The following DPF3 variants were observed in gnomAD, a reference collection of about 807,000 sequenced individuals.
DPF3 encodes the protein zinc finger protein DPF3.
DPF3 carries 18 observed loss-of-function variants against 56.8 expected under a neutral mutation model. The observed-to-expected ratio is 0.32, with a 90% confidence interval of 0.22 to 0.47. The LOEUF is 0.47. Among genes scored for constraint, DPF3 ranks in the 20% least tolerant of loss-of-function variants. The pLI is 1.00. For missense variants in DPF3, 403 were observed against 488.8 expected, an observed-to-expected ratio of 0.82 and a Z score of 1.65; for synonymous variants, 188 against 180.2, an observed-to-expected ratio of 1.04 and a Z score of -0.35.
At chr14:72,693,246 A>G (rs199983516) in intron 6 of DPF3, 33 bp from the exon 7 acceptor site, 15 of 1,610,632 alleles carry the variant, frequency 9.3e-6, no homozygotes, top group Middle Eastern at 1.7e-4. Flanking sequence ...AGGGAGAGAT[A>G]CAAATATTAG....
chr14:72,745,895 G>A (rs1890304606), intron 3 of DPF3, among the ~76,000 whole-genome samples: 1 of 152,176 alleles, frequency 6.6e-6, no homozygotes, highest in Admixed American at 6.5e-5. Context: ...ACCCTCCTGA[G>A]GGAGGACATA....
intron 1 of DPF3, among the ~76,000 whole-genome samples, chr14:72,792,251 G>A (rs2139984761): frequency 6.6e-6 from 1 of 152,270 alleles, no homozygotes; most frequent in South Asian, 2.1e-4. Context: ...GAAGGGGAGG[G>A]GAGGGACAGG....
At chr14:72,852,989 T>C (rs77126386) in intron 1 of DPF3, among the ~76,000 whole-genome samples, 3 of 150,568 alleles carry the variant, frequency 2.0e-5, no homozygotes, top group African/African-American at 7.3e-5. Context: ...CTACAGCTGA[T>C]TTTTTTTTAA....
rs961025329 is a variant in DPF3 at position 72,892,549 on chromosome 14, C to T, written c.32+1508G>A. The T allele has an allele frequency of 1.7e-5, 23 of 1,382,230 alleles. No individual in the cohort carries two copies. The African/African-American group carries it at 3.4e-4, about 20-fold the overall frequency. The allele number at this position is 1,382,230 out of a possible 1,614,324, so 85.6% of individuals were successfully genotyped here. A position where few individuals can be genotyped will look rare whatever the true frequency, so the allele number is the denominator to read the frequency against. On this transcript the variant is annotated intron_variant, in intron 1 of 10. Transcript: ENST00000556509. Reference sequence around the variant, plus strand: ...GGCGACGAGCTGGCGCAAACACGTCCGATTCTCCCTGTGCATTCCTTTGCG... The same window carrying T: ...GGCGACGAGCTGGCGCAAACACGTCTGATTCTCCCTGTGCATTCCTTTGCG...
intron 8 of DPF3, among the ~76,000 whole-genome samples, chr14:72,667,276 A>G (rs926701584): frequency 3.9e-5 from 6 of 152,232 alleles, no homozygotes; most frequent in South Asian, 2.1e-4. Context: ...TCTCTCAGTA[A>G]CAGAAATAAA....
intron 1 of DPF3, among the ~76,000 whole-genome samples, chr14:72,890,907 G>C (rs1886725948): frequency 6.6e-6 from 1 of 152,172 alleles, no homozygotes; most frequent in Non-Finnish European, 1.5e-5. Context: ...ACAACAGAGA[G>C]AGAAGCTGGG....
At chr14:72,747,625 C>CAA (rs1030427221) in intron 3 of DPF3, among the ~76,000 whole-genome samples, 788 of 77,582 alleles carry the variant, frequency 0.01, 12 homozygotes, top group African/African-American at 0.029. Flanking sequence ...CCCGTCTCTA[C>CAA]AAAAAAAAAA....
At chr14:72,867,992 C>T (rs1055190664) in intron 1 of DPF3, among the ~76,000 whole-genome samples, 1 of 152,106 alleles carries the variant, frequency 6.6e-6, no homozygotes, top group African/African-American at 2.4e-5. Flanking sequence ...GTGGCTGCCT[C>T]GGCCTCCCAA....
At chr14:72,813,694 C>G (rs1236517517) in intron 1 of DPF3, among the ~76,000 whole-genome samples, 1 of 152,244 alleles carries the variant, frequency 6.6e-6, no homozygotes. Context: ...TCACTAGCGG[C>G]TGACCCCAGG....
Position 72,664,655 on chromosome 14 carries a change from T to C in DPF3, c.871+9585A>G, listed in dbSNP as rs146057958. On this transcript the variant is annotated intron_variant, in intron 8 of 10. Transcript: ENST00000556509. ...CACCTGCCCCCTCTGACTTAACCACTGGATGCTGTGTCCAGAGACTTCTCC... is the reference window on the plus strand; with the variant it reads ...CACCTGCCCCCTCTGACTTAACCACCGGATGCTGTGTCCAGAGACTTCTCC... Among the ~76,000 whole-genome samples the C allele has an allele frequency of 4.9e-3, 740 of 150,090 alleles. 6 individuals are homozygous for C. Among genetic ancestry groups the C allele is most frequent in the Non-Finnish European group, 9.0e-3 (611 of 67,690 alleles).
chr14:72,790,268 A>G (rs181565512), intron 1 of DPF3, among the ~76,000 whole-genome samples: 19 of 152,290 alleles, frequency 1.2e-4, no homozygotes, highest in Admixed American at 2.6e-4. Flanking sequence ...GTATATGTTT[A>G]TTTACTACCT....
intron 1 of DPF3, among the ~76,000 whole-genome samples, chr14:72,861,024 TATACACACACACAC>T (rs1885377649): frequency 1.7e-5 from 2 of 116,142 alleles, no homozygotes; most frequent in Admixed American, 9.7e-5. Flanking sequence ...CTGTTCTCAC[TATACACACACACAC>T]ACACACACAC....
chr14:72,723,711 A>T lies in DPF3; in HGVS notation c.447T>A (p.Asp149Glu). The change falls in exon 5 of 11, where the codon GAT becomes GAA. Residue 149 changes from aspartate (D) to glutamate (E), a missense_variant. This residue lies in a region of DPF3 where 340 missense variants were observed against 374.3 expected (regional missense o/e 0.91). Transcript: ENST00000556509. ...IQEIQRVLEN[D>E]ENVEEGNEEE... is the part of the protein sequence containing the mutation. ...CTTCATTCCCTTCTTCTACATTTTC[A>T]TCATTTTCCAAAACCCTCTGAAATG... is the stretch of plus-strand genomic sequence containing the variant. 1 of 1,578,978 alleles carries T rather than the reference A, an allele frequency of 6.3e-7. No homozygotes were observed. The highest frequency in any genetic ancestry group is 8.6e-7 in the Non-Finnish European group (1 of 1,169,448).
Position 72,609,854 on chromosome 14 carries a change from G to T in DPF3, c.*9443C>A, listed in dbSNP as rs1427283757. Among the ~76,000 whole-genome samples the T allele has an allele frequency of 1.3e-5, 2 of 152,200 alleles. No homozygotes were observed. Among genetic ancestry groups the T allele is most frequent in the African/African-American group, 4.8e-5 (2 of 41,448 alleles). On this transcript the variant is annotated 3_prime_UTR_variant, in exon 11 of 11. Coordinates refer to ENST00000556509, the MANE Select transcript of DPF3 (RefSeq NM_001280542.3). Reference sequence around the variant, plus strand: ...AGCCCTTTTCTGTAACCTCATGAAAGCTGTGTCAGACTCAGTCCTGGTCTG... The same window carrying T: ...AGCCCTTTTCTGTAACCTCATGAAATCTGTGTCAGACTCAGTCCTGGTCTG...
intron 2 of DPF3, among the ~76,000 whole-genome samples, chr14:72,756,068 G>A (rs891660666): frequency 6.6e-6 from 1 of 152,132 alleles, no homozygotes; most frequent in Non-Finnish European, 1.5e-5. Flanking sequence ...CTGCTGTCAG[G>A]GAAATTAACC....
At chr14:72,793,025 A>G (rs1358275290) in intron 1 of DPF3, among the ~76,000 whole-genome samples, 2 of 152,232 alleles carry the variant, frequency 1.3e-5, no homozygotes, top group Non-Finnish European at 2.9e-5. Flanking sequence ...AATCAAAATC[A>G]TTCTCCGTCC....
intron 1 of DPF3, among the ~76,000 whole-genome samples, chr14:72,827,707 T>C (rs983418265): frequency 6.6e-5 from 10 of 151,996 alleles, no homozygotes; most frequent in African/African-American, 2.4e-4. Context: ...CTCAAACTCC[T>C]GACCTCAGGT....
chr14:72,710,319 G>A (rs1251117536), intron 6 of DPF3, among the ~76,000 whole-genome samples: 1 of 152,244 alleles, frequency 6.6e-6, no homozygotes, highest in Admixed American at 6.5e-5. Context: ...AAAATCAAGC[G>A]CTGGATAGCT....
At chr14:72,874,414 G>A (rs552424063) in intron 1 of DPF3, among the ~76,000 whole-genome samples, 2 of 152,088 alleles carry the variant, frequency 1.3e-5, no homozygotes, top group African/African-American at 4.8e-5. Flanking sequence ...AGGAGGCAGA[G>A]GTTGTGGTGA....
Sources: allele counts gnomAD v4.1 joint callset (sites outside exome capture counted in the v4.1 genomes callset), GRCh38; gene constraint gnomAD v4.1.1; regional missense constraint gnomAD v4.1.1; transcripts MANE v1.5; gene names NCBI Gene and HGNC (gene_info 2026-07-23, HGNC 2026-07-21).